SGCZ: variants seen among roughly 807,000 people sequenced by gnomAD.
The protein encoded by SGCZ is sarcoglycan zeta.
A neutral mutation model predicts 41.3 loss-of-function variants in SGCZ; 40 were observed. That is an observed-to-expected ratio of 0.97 (90% confidence interval 0.75 to 1.26). The LOEUF is 1.26. SGCZ is among the 50% of genes most tolerant of loss of function. The pLI is 0.00. For synonymous variants in SGCZ, 206 were observed against 137.5 expected (o/e 1.50, Z -3.49); for missense variants, 552 against 369.8 (o/e 1.49, Z -4.04).
intron 4 of SGCZ, among the ~76,000 whole-genome samples, chr8:14,193,058 C>A (rs1467011193): frequency 6.6e-6 from 1 of 151,752 alleles, no homozygotes; most frequent in Non-Finnish European, 1.5e-5. Context: ...AAAGATGTGT[C>A]TATGAAAGAC....
chr8:14,667,369 A>ATC (rs1466309203), intron 1 of SGCZ, among the ~76,000 whole-genome samples: 7 of 152,190 alleles, frequency 4.6e-5, no homozygotes, highest in African/African-American at 1.7e-4. Context: ...TCAAAGCTTC[A>ATC]TCTCATGATG....
chr8:15,115,891 A>G (rs952701642), intron 1 of SGCZ, among the ~76,000 whole-genome samples: 4 of 152,264 alleles, frequency 2.6e-5, no homozygotes, highest in Non-Finnish European at 5.9e-5. Flanking sequence ...ATGAGTGCAG[A>G]AAACAGTACC....
At chr8:14,351,205 C>T (rs1803078656) in intron 2 of SGCZ, among the ~76,000 whole-genome samples, 1 of 152,108 alleles carries the variant, frequency 6.6e-6, no homozygotes. Flanking sequence ...ACTGGTATTA[C>T]CGGTATTGTA....
intron 1 of SGCZ, among the ~76,000 whole-genome samples, chr8:14,913,255 T>G (rs2130779871): frequency 6.6e-6 from 1 of 152,194 alleles, no homozygotes; most frequent in Non-Finnish European, 1.5e-5. Flanking sequence ...TGAAATGTAA[T>G]TATATAATAA....
At chr8:14,628,467 G>C (rs535184217) in intron 1 of SGCZ, among the ~76,000 whole-genome samples, 3 of 152,118 alleles carry the variant, frequency 2.0e-5, no homozygotes, top group South Asian at 4.1e-4. Context: ...TCCAAAAACT[G>C]TTTAAAAAAT....
chr8:14,269,001 A>T (rs1313471822), intron 3 of SGCZ, among the ~76,000 whole-genome samples: 1 of 151,994 alleles, frequency 6.6e-6, no homozygotes, highest in Non-Finnish European at 1.5e-5. Flanking sequence ...TAGAAAATAG[A>T]AGAGTAAAAC....
At chr8:14,615,190 CCTTAACCTGTTGACTCTGTA>C (rs1250524329) in intron 1 of SGCZ, among the ~76,000 whole-genome samples, 3 of 152,124 alleles carry the variant, frequency 2.0e-5, no homozygotes, top group South Asian at 2.1e-4. Flanking sequence ...AGCAGGAGGC[CCTTAACCTGTTGACTCTGTA>C]CTTTGAATTC....
At chr8:14,598,577 A>G (rs1179572320) in intron 1 of SGCZ, among the ~76,000 whole-genome samples, 1 of 151,530 alleles carries the variant, frequency 6.6e-6, no homozygotes, top group African/African-American at 2.4e-5. Context: ...GCCAGGCTGG[A>G]GTGCAGTGGT....
At chr8:14,182,997 G>A (rs13270794) in intron 4 of SGCZ, among the ~76,000 whole-genome samples, 22,532 of 106,976 alleles carry the variant, frequency 0.21, 2,075 homozygotes, top group Admixed American at 0.32. Context: ...GCAACAAAGA[G>A]CAAAACTCCG....
intron 6 of SGCZ, among the ~76,000 whole-genome samples, chr8:14,102,861 A>AACTT (rs1232025015): frequency 6.6e-6 from 1 of 152,194 alleles, no homozygotes; most frequent in South Asian, 2.1e-4. Flanking sequence ...ACCAGTATAT[A>AACTT]ACTTACTAGT....
intron 1 of SGCZ, among the ~76,000 whole-genome samples, chr8:15,019,742 T>C (rs1803183244): frequency 6.6e-6 from 1 of 151,504 alleles, no homozygotes; most frequent in Non-Finnish European, 1.5e-5. Flanking sequence ...CATCAGTGAC[T>C]CTAATGATCT....
chr8:14,958,606 G>C (rs1010481571), intron 1 of SGCZ, among the ~76,000 whole-genome samples: 1 of 152,078 alleles, frequency 6.6e-6, no homozygotes, highest in African/African-American at 2.4e-5. Flanking sequence ...AACATTCTAG[G>C]TGGTCCAGTC....
At chr8:14,702,835 A>AGAT (rs879797246) in intron 1 of SGCZ, among the ~76,000 whole-genome samples, 3,163 of 61,908 alleles carry the variant, frequency 0.051, 84 homozygotes, top group Non-Finnish European at 0.1. Context: ...ATAGATAGAT[A>AGAT]GATAGATAGA....
At chr8:15,219,787 C>G (rs962369613) in intron 1 of SGCZ, among the ~76,000 whole-genome samples, 2 of 152,012 alleles carry the variant, frequency 1.3e-5, no homozygotes, top group African/African-American at 2.4e-5. Context: ...AATTTGAAGG[C>G]GAAATAGCAG....
rs11778336 is a variant in SGCZ, at chr8:15,234,021, A to G, written c.39+3564T>C. Among the ~76,000 whole-genome samples the G allele has an allele frequency of 8.9e-3, 1,356 of 152,330 alleles. 8 individuals are homozygous for G. Among genetic ancestry groups the G allele is most frequent in the Non-Finnish European group, 0.015 (1,033 of 67,996 alleles). On this transcript the variant is annotated intron_variant, in intron 1 of 7. Coordinates refer to ENST00000382080, the MANE Select transcript of SGCZ (RefSeq NM_139167.4). ...AATTAATACAGGTGAATTAGTACCCATATTTTAAAAGATGAGTAAAAGAAT... is the reference window on the plus strand; with the variant it reads ...AATTAATACAGGTGAATTAGTACCCGTATTTTAAAAGATGAGTAAAAGAAT...
intron 1 of SGCZ, among the ~76,000 whole-genome samples, chr8:15,183,994 T>G (rs1800255572): frequency 6.6e-6 from 1 of 152,214 alleles, no homozygotes; most frequent in Admixed American, 6.5e-5. Flanking sequence ...ATGTACAAAC[T>G]ACTTAGATAC....
At chr8:15,194,667 G>A (rs6992134) in intron 1 of SGCZ, among the ~76,000 whole-genome samples, 62,323 of 151,876 alleles carry the variant, frequency 0.41, 13,682 homozygotes, top group African/African-American at 0.55. Flanking sequence ...AAGGGAGAGA[G>A]ATCTGAAGGT....
At chr8:14,263,330 C>G (rs1223971609) in intron 3 of SGCZ, among the ~76,000 whole-genome samples, 1 of 152,112 alleles carries the variant, frequency 6.6e-6, no homozygotes, top group East Asian at 1.9e-4. Flanking sequence ...AGGCGGATCA[C>G]TTGAGGCCAG....
intron 1 of SGCZ, among the ~76,000 whole-genome samples, chr8:15,088,323 T>A (rs930117629): frequency 1.3e-5 from 2 of 152,164 alleles, no homozygotes; most frequent in African/African-American, 4.8e-5. Flanking sequence ...CTATTAAATG[T>A]CTATGGCATT....
Sources: allele counts gnomAD v4.1 joint callset (sites outside exome capture counted in the v4.1 genomes callset), GRCh38; gene constraint gnomAD v4.1.1; transcripts MANE v1.5; gene names NCBI Gene and HGNC (gene_info 2026-07-23, HGNC 2026-07-21).